Variants in PPP4R2 observed in about 807,000 individuals in gnomAD.
PPP4R2 encodes the protein serine/threonine-protein phosphatase 4 regulatory subunit 2.
Under a neutral mutation model 47.2 loss-of-function variants are expected in PPP4R2, and 13 were observed. That is an observed-to-expected ratio of 0.28 (90% CI 0.18 to 0.44). PPP4R2 has a LOEUF of 0.44. Ranked by LOEUF, PPP4R2 falls within the 20% of genes least tolerant of loss-of-function variation. The pLI is 1.00. For missense variants in PPP4R2, 421 were observed against 491.2 expected (o/e 0.86, Z 1.35); for synonymous variants, 151 against 163.3 (o/e 0.92, Z 0.57).
chr3:73,018,841 C>G (rs1701903233), intron 2 of PPP4R2, among the ~76,000 whole-genome samples: 1 of 152,098 alleles, frequency 6.6e-6, no homozygotes, highest in Non-Finnish European at 1.5e-5. Context: ...GAGAAGTTTT[C>G]TTGGATCTCC....
At chr3:73,047,026 A>G (rs545375796) in intron 2 of PPP4R2, among the ~76,000 whole-genome samples, 160 bp from the exon 3 acceptor site, 1 of 152,296 alleles carries the variant, frequency 6.6e-6, no homozygotes, top group African/African-American at 2.4e-5. Flanking sequence ...GTGATAAATG[A>G]GGCATGATGT....
At chr3:73,042,424 C>G (rs1449900005) in intron 2 of PPP4R2, among the ~76,000 whole-genome samples, 28 of 130,966 alleles carry the variant, frequency 2.1e-4, no homozygotes. Context: ...GAGTGCGGTG[C>G]TGCAATCTTG....
intron 2 of PPP4R2, among the ~76,000 whole-genome samples, chr3:73,032,607 A>G (rs1702187588): frequency 6.6e-6 from 1 of 152,154 alleles, no homozygotes; most frequent in South Asian, 2.1e-4. Context: ...TTTCTAAGGT[A>G]CAGTCTTTTT....
rs1191837677 is a variant in PPP4R2 at position 73,065,018 on chromosome 3, T to C, written c.805T>C (p.Ser269Pro). Residue 269 changes from serine (S) to proline (P), a missense_variant, in exon 8 of 9, where the codon TCT becomes CCT. By Grantham distance (74) the Ser-to-Pro change is moderately conservative. Coordinates refer to ENST00000356692, the MANE Select transcript of PPP4R2 (RefSeq NM_174907.4). ...TASQTTSSEISSVMVGETEAS... is the reference protein window; with the variant it reads ...TASQTTSSEIPSVMVGETEAS... Reference sequence around the variant, plus strand: ...CAGTCAAACGACTTCCAGCGAAATTTCTTCAGTTATGGTAGGAGAAACAGA... The same window carrying C: ...CAGTCAAACGACTTCCAGCGAAATTCCTTCAGTTATGGTAGGAGAAACAGA... The C allele has an allele frequency of 6.2e-7, 1 of 1,613,900 alleles. No homozygotes were observed.
At chr3:73,051,032 A>G (rs1443762208) in intron 3 of PPP4R2, among the ~76,000 whole-genome samples, 1 of 152,062 alleles carries the variant, frequency 6.6e-6, no homozygotes, top group Non-Finnish European at 1.5e-5. Flanking sequence ...CTCCTGCCTC[A>G]GCCTCCCGAG....
intron 2 of PPP4R2, among the ~76,000 whole-genome samples, chr3:73,018,180 A>G (rs1159658647): frequency 6.6e-6 from 1 of 152,070 alleles, no homozygotes; most frequent in Non-Finnish European, 1.5e-5. Context: ...TATACACTTG[A>G]CCCTTACACA....
chr3:73,031,559 A>C (rs1017328293), intron 2 of PPP4R2, among the ~76,000 whole-genome samples: 3 of 151,860 alleles, frequency 2.0e-5, no homozygotes, highest in African/African-American at 7.2e-5. Flanking sequence ...AAAAGAAAAA[A>C]AGAAAGAAAT....
intron 3 of PPP4R2, among the ~76,000 whole-genome samples, chr3:73,049,471 C>G (rs1702565349): frequency 6.6e-6 from 1 of 151,014 alleles, no homozygotes. Context: ...TGCATTTCAG[C>G]CTGGGTGACA....
At position 73,065,656 on chromosome 3, in the gene PPP4R2, A is replaced by G. The variant is rs146501396; in HGVS notation, c.1188A>G (p.Ser396=). 1.9e-6 allele frequency: 3 copies of G among 1,612,014 alleles called. No individual in the cohort carries two copies. Among genetic ancestry groups the G allele is most frequent in the African/African-American group, 1.3e-5 (1 of 74,892 alleles). The stretch of plus-strand genomic sequence containing the variant: ...CCAGTAAAACTGGAGAGATTCTTTC[A>G]GAATCATCCATGGAAAATGATGACG... The part of the protein sequence containing the change: ...SNSSKTGEIL[S]ESSMENDDEA... Residue 396 remains serine (S), a synonymous_variant, in exon 9 of 9, where the codon TCA becomes TCG. Transcript: ENST00000356692.
At chr3:73,062,668 G>T in intron 5 of PPP4R2, 2 of 1,613,956 alleles carry the variant, frequency 1.2e-6, no homozygotes, top group South Asian at 1.1e-5. Flanking sequence ...ATTGCGGCTG[G>T]ATCAAGTGAT....
Position 73,068,727 on chromosome 3 carries a change from A to C in PPP4R2, c.*3005A>C, listed in dbSNP as rs1703051105. 6.6e-6 allele frequency: 1 copy of C among 152,238 alleles called. No individual in the cohort carries two copies. Among genetic ancestry groups the C allele is most frequent in the Non-Finnish European group, 1.5e-5 (1 of 68,042 alleles). The allele number at this position is 152,238 out of a possible 1,614,324, so 9.4% of individuals were successfully genotyped here. A position where few individuals can be genotyped will look rare whatever the true frequency, so the allele number is the denominator to read the frequency against. On this transcript the variant is annotated 3_prime_UTR_variant, in exon 9 of 9. Coordinates refer to ENST00000356692, the MANE Select transcript of PPP4R2 (RefSeq NM_174907.4). The stretch of plus-strand genomic sequence containing the variant: ...ATTTATGCATTTTTGCATTTGTAAA[A>C]TCAACTTTTCAAATAATGTAAATGT...
At position 72,997,024 on chromosome 3, in the gene PPP4R2, G is replaced by A. The variant is rs761947015; in HGVS notation, c.-14G>A. The A allele has an allele frequency of 5.6e-5, 78 of 1,394,418 alleles. No homozygotes were observed. The highest frequency in any genetic ancestry group is 1.3e-4 in the Admixed American group (5 of 38,114). The allele number at this position is 1,394,418 out of a possible 1,614,324, so 86.4% of individuals were successfully genotyped here. ...GCGGAGGGAGGCGGAGGCTGTGAGG[G>A]ACTCCGGGAAGCCATGGACGTCGAG... On this transcript the variant is annotated 5_prime_UTR_variant, in exon 1 of 9. Coordinates refer to ENST00000356692, the MANE Select transcript of PPP4R2 (RefSeq NM_174907.4).
chr3:73,046,494 T>TTA (rs955169964), intron 2 of PPP4R2, among the ~76,000 whole-genome samples: 1 of 152,196 alleles, frequency 6.6e-6, no homozygotes, highest in African/African-American at 2.4e-5. Context: ...AAATTTCCTT[T>TTA]TATATTACTG....
At chr3:73,063,776 G>A (rs756345998) in intron 6 of PPP4R2, 29 bp downstream of exon 6, 5 of 1,427,034 alleles carry the variant, frequency 3.5e-6, no homozygotes, top group Non-Finnish European at 4.9e-6. Flanking sequence ...AATACCTACA[G>A]AGTTTGCATT....
chr3:73,027,659 G>GGGGTGT (rs139804963), intron 2 of PPP4R2: 2 of 149,644 alleles, frequency 1.3e-5, no homozygotes, highest in Non-Finnish European at 1.5e-5. Context: ...GTACTTGTGA[G>GGGGTGT]GTGTGTGTGT....
chr3:73,016,889 C>T (rs1701851323), intron 2 of PPP4R2, among the ~76,000 whole-genome samples: 1 of 144,620 alleles, frequency 6.9e-6, no homozygotes, highest in Admixed American at 7.0e-5. Flanking sequence ...CTCACTGAAA[C>T]CTCCACCTCC....
At chr3:73,033,518 G>C (rs1702206966) in intron 2 of PPP4R2, among the ~76,000 whole-genome samples, 1 of 152,140 alleles carries the variant, frequency 6.6e-6, no homozygotes, top group African/African-American at 2.4e-5. Context: ...GGATTGCTTG[G>C]TTGAGGCAAA....
In PPP4R2 at chr3:73,064,875, A is replaced by G; in HGVS notation, c.662A>G (p.Glu221Gly). ...NHSDSSTSES[E>G]VSSVSPLKNK... ...AGTGACTCTTCGACCTCTGAATCAG[A>G]AGTTTCCTCAGTGAGCCCTTTGAAA... The change falls in exon 8 of 9, where the codon GAA becomes GGA. Residue 221 changes from glutamate (E) to glycine (G), a missense_variant. Physicochemically the swap from Glu to Gly is moderately conservative, Grantham distance 98. Transcript: ENST00000356692. The G allele has an allele frequency of 6.2e-7, 1 of 1,608,902 alleles. No individual in the cohort carries two copies. The highest frequency in any genetic ancestry group is 1.1e-5 in the South Asian group (1 of 90,158).
At chr3:73,031,688 G>A (rs1702166638) in intron 2 of PPP4R2, among the ~76,000 whole-genome samples, 1 of 152,154 alleles carries the variant, frequency 6.6e-6, no homozygotes. Context: ...AGTATTTCTA[G>A]GCCAGAGAGA....
Sources: allele counts gnomAD v4.1 joint callset (sites outside exome capture counted in the v4.1 genomes callset), GRCh38; gene constraint gnomAD v4.1.1; transcripts MANE v1.5; gene names NCBI Gene and HGNC (gene_info 2026-07-23, HGNC 2026-07-21).